SACS: variants seen among roughly 807,000 people sequenced by gnomAD.
The protein encoded by SACS is sacsin molecular chaperone.
A neutral mutation model predicts 348.0 loss-of-function variants in SACS; 197 were observed. The observed-to-expected ratio is 0.57, with a 90% CI of 0.50 to 0.64. The LOEUF (loss-of-function observed/expected upper bound fraction) is 0.64, where lower values mean the gene tolerates loss of function less well. Among genes scored for constraint, SACS ranks in the 30% least tolerant of loss-of-function variants. The pLI, the probability that SACS is intolerant of heterozygous loss-of-function variation, is 0.00. For missense variants in SACS, 4,999 were observed against 5,360.8 expected (o/e 0.93, Z 2.11); for synonymous variants, 1,985 against 1,910.6 (o/e 1.04, Z -1.02).
At position 23,331,916 on chromosome 13, in the gene SACS, G is replaced by C; in HGVS notation, c.11960C>G (p.Pro3987Arg). 6.2e-7 allele frequency: 1 copy of C among 1,613,966 alleles called. No individual in the cohort carries two copies. The highest frequency in any genetic ancestry group is 1.1e-5 in the South Asian group (1 of 91,076). ...ILEEQLDEET[P>R]KVCQFGALCS... ...CAACGCTCCAAACTGACAAACTTTGGGAGTCTCTTCATCTAATTGTTCTTC... is the reference window on the plus strand; with the variant it reads ...CAACGCTCCAAACTGACAAACTTTGCGAGTCTCTTCATCTAATTGTTCTTC... The change falls in exon 10 of 10, where the codon CCC (proline) becomes CGC (arginine). Residue 3987 changes from proline to arginine, a missense_variant. Transcript: ENST00000382292.
In SACS at chr13:23,334,593, G is replaced by C. The variant is rs201899988; in HGVS notation, c.9283C>G (p.Pro3095Ala). Residue 3095 changes from proline to alanine, a missense_variant, in exon 10 of 10, where the codon CCT (proline) becomes GCT (alanine). Pro to Ala is a conservative substitution (Grantham distance 27). Coordinates refer to ENST00000382292, the MANE Select transcript of SACS (RefSeq NM_014363.6). ...DADIPVSYVT[P>A]ADIRSFLMTF... ...ATTAAAAAAGATCTGATATCAGCAGGGGTCACATAACTAACAGGAATATCT... is the reference window on the plus strand; with the variant it reads ...ATTAAAAAAGATCTGATATCAGCAGCGGTCACATAACTAACAGGAATATCT... 206 of 1,613,370 alleles carry C rather than the reference G, an allele frequency of 1.3e-4. No homozygotes were observed. In the East Asian group the frequency reaches 4.5e-3, roughly 35 times the overall value.
At chr13:23,391,119 C>T (rs1022995413) in intron 2 of SACS, among the ~76,000 whole-genome samples, 5 of 152,330 alleles carry the variant, frequency 3.3e-5, no homozygotes, top group African/African-American at 7.2e-5. Flanking sequence ...ACTCATGTGG[C>T]GGAATTTCAA....
In SACS at chr13:23,341,606, C is replaced by T. The variant is rs1184359030; in HGVS notation, c.2270G>A (p.Gly757Asp). ...IKEVMNTFWPGRELIVQWYPF... is the reference protein window; with the variant it reads ...IKEVMNTFWPDRELIVQWYPF... The stretch of plus-strand genomic sequence containing the variant: ...ATACCATTGAACAATCAATTCTCTG[C>T]CAGGCCAGAATGTATTCATTACTTC... Residue 757 changes from glycine to aspartate, a missense_variant, in exon 10 of 10, where the codon GGC becomes GAC. Coordinates refer to ENST00000382292, the MANE Select transcript of SACS (RefSeq NM_014363.6). The T allele has an allele frequency of 6.2e-6, 10 of 1,613,686 alleles. No homozygotes were observed. The highest frequency in any genetic ancestry group is 2.7e-5 in the African/African-American group (2 of 74,870).
chr13:23,414,675 A>G (rs935961468), intron 1 of SACS, among the ~76,000 whole-genome samples: 1 of 152,230 alleles, frequency 6.6e-6, no homozygotes, highest in Non-Finnish European at 1.5e-5. Flanking sequence ...TTTACTCCCC[A>G]TGGGCAATGA....
chr13:23,335,792 C>G lies in SACS; in HGVS notation c.8084G>C (p.Cys2695Ser). 2 of 1,613,996 alleles carry G rather than the reference C, an allele frequency of 1.2e-6. No individual in the cohort carries two copies. Among genetic ancestry groups the G allele is most frequent in the Non-Finnish European group, 1.7e-6 (2 of 1,179,914 alleles). Residue 2695 changes from cysteine to serine, a missense_variant, in exon 10 of 10, where the codon TGC becomes TCC. Around this residue, in one of 6 missense-constraint regions of SACS, gnomAD observed 3,156 missense variants for 3,380.1 expected, o/e 0.93. Coordinates refer to ENST00000382292, the MANE Select transcript of SACS (RefSeq NM_014363.6). This position sits in a 1 kb window ranked among gnomAD's most constrained non-coding sequence, Gnocchi z 4.7. ...YLGTHFKLDNCTMFRFPLRNA... is the reference protein window; with the variant it reads ...YLGTHFKLDNSTMFRFPLRNA... ...ACGAAGAGGAAATCTGAACATTGTG[C>G]AATTATCCAGTTTAAAATGGGTTCC...
In SACS at chr13:23,338,035, G is replaced by C; in HGVS notation, c.5841C>G (p.Pro1947=). 2 of 1,613,694 alleles carry C rather than the reference G, an allele frequency of 1.2e-6. No individual in the cohort carries two copies. The highest frequency in any genetic ancestry group is 1.7e-6 in the Non-Finnish European group (2 of 1,179,824). ...AATCATCATGAACTAAATCAGGATC[G>C]GGCCATACTGCATAGTAAGTATAAT... The part of the protein sequence containing the change: ...LMDYTYYAVW[P]DPDLVHDDFS... The change falls in exon 10 of 10, where the codon CCC becomes CCG. Residue 1947 remains proline (P), a synonymous_variant. Transcript: ENST00000382292.
intron 2 of SACS, among the ~76,000 whole-genome samples, chr13:23,410,180 T>A (rs1265453114): frequency 1.3e-5 from 2 of 152,224 alleles, no homozygotes; most frequent in Non-Finnish European, 2.9e-5. Flanking sequence ...ACTTCTCTCA[T>A]GTTTAAATAA....
intron 6 of SACS, among the ~76,000 whole-genome samples, chr13:23,362,251 TG>T (rs1178501771): frequency 3.3e-5 from 5 of 152,198 alleles, no homozygotes; most frequent in South Asian, 2.1e-4. Flanking sequence ...TTCCTTCCCC[TG>T]TGTCTTATAA....
chr13:23,339,047 C>A lies in SACS; in HGVS notation c.4829G>T (p.Arg1610Ile). Residue 1610 changes from arginine (R) to isoleucine (I), a missense_variant, in exon 10 of 10, where the codon AGA (arginine) becomes ATA (isoleucine). By Grantham distance (97) the Arg-to-Ile change is moderately conservative. Transcript: ENST00000382292. ...IKINWSKQQK[R>I]LRKFPNQFKP... ...GAACTGATTAGGAAATTTTCTAAGT[C>A]TTTTCTGTTGTTTACTCCAATTAAT... The A allele has an allele frequency of 6.2e-7, 1 of 1,613,288 alleles. No homozygotes were observed. Among genetic ancestry groups the A allele is most frequent in the East Asian group, 2.2e-5 (1 of 44,864 alleles).
intron 2 of SACS, among the ~76,000 whole-genome samples, chr13:23,392,886 G>C (rs1872581583): frequency 6.6e-6 from 1 of 152,176 alleles, no homozygotes; most frequent in Admixed American, 6.5e-5. Context: ...TTGAGCCTCT[G>C]AAAACATAAG....
At chr13:23,426,820 G>C (rs1313924145) in intron 1 of SACS, 1 of 152,202 alleles carries the variant, frequency 6.6e-6, no homozygotes, top group Non-Finnish European at 1.5e-5. Context: ...TCAGAGAGCA[G>C]AGGAGTGACT....
intron 2 of SACS, among the ~76,000 whole-genome samples, chr13:23,408,789 C>T (rs1013196588): frequency 1.3e-5 from 2 of 151,826 alleles, no homozygotes; most frequent in African/African-American, 4.8e-5. Context: ...CACGGTGAAA[C>T]CCCATCTCTA....
At chr13:23,352,951 T>C (rs1410039625) in intron 9 of SACS, among the ~76,000 whole-genome samples, 1 of 152,164 alleles carries the variant, frequency 6.6e-6, no homozygotes, top group Non-Finnish European at 1.5e-5. Context: ...CCCTAAGCCA[T>C]TATCCTGGAC....
At chr13:23,365,323 TCTA>T (rs746612152) in intron 5 of SACS, 46 bp from the exon 6 acceptor site, 3 of 1,026,860 alleles carry the variant, frequency 2.9e-6, no homozygotes, top group South Asian at 1.5e-5. Context: ...AACACAGTAA[TCTA>T]CTGCTCATCT....
At chr13:23,342,982 AC>A (rs1404287203) in intron 9 of SACS, among the ~76,000 whole-genome samples, 3 of 152,194 alleles carry the variant, frequency 2.0e-5, no homozygotes, top group African/African-American at 7.2e-5. Context: ...TTTTCAAAGT[AC>A]CCTTTATCTA....
chr13:23,428,120 T>G (rs567401476), intron 1 of SACS: 1 of 152,262 alleles, frequency 6.6e-6, no homozygotes, highest in South Asian at 2.1e-4. Context: ...CTTGGTGATC[T>G]CCTAAGAAAT....
At position 23,338,678 on chromosome 13, in the gene SACS, T is replaced by A; in HGVS notation, c.5198A>T (p.Lys1733Ile). ...ALNTPVLSVLKEAAKLMKTCS... is the reference protein window; with the variant it reads ...ALNTPVLSVLIEAAKLMKTCS... ...AGTCTTCATGAGCTTAGCAGCCTCTTTTAAAACACTTAAGACAGGTGTGTT... is the reference window on the plus strand; with the variant it reads ...AGTCTTCATGAGCTTAGCAGCCTCTATTAAAACACTTAAGACAGGTGTGTT... The change falls in exon 10 of 10, where the codon AAA becomes ATA. Residue 1733 changes from lysine to isoleucine, a missense_variant. Transcript: ENST00000382292. 6.2e-7 allele frequency: 1 copy of A among 1,614,108 alleles called. No individual in the cohort carries two copies. Among genetic ancestry groups the A allele is most frequent in the Non-Finnish European group, 8.5e-7 (1 of 1,180,000 alleles).
At chr13:23,414,217 T>C (rs1873614654) in intron 1 of SACS, among the ~76,000 whole-genome samples, 1 of 152,170 alleles carries the variant, frequency 6.6e-6, no homozygotes, top group Non-Finnish European at 1.5e-5. Flanking sequence ...GGCAGGAGAA[T>C]GGTGTGAACC....
intron 1 of SACS, among the ~76,000 whole-genome samples, chr13:23,429,524 G>A (rs1285880998): frequency 6.6e-6 from 1 of 151,774 alleles, no homozygotes; most frequent in Non-Finnish European, 1.5e-5. Flanking sequence ...CACCATGCCC[G>A]GCTAATTTTT....
Sources: allele counts gnomAD v4.1 joint callset (sites outside exome capture counted in the v4.1 genomes callset), GRCh38; gene constraint gnomAD v4.1.1; regional missense constraint gnomAD v4.1.1; non-coding constraint Gnocchi (gnomAD v3.1); transcripts MANE v1.5; gene names NCBI Gene and HGNC (gene_info 2026-07-23, HGNC 2026-07-21).